MLIP: variants seen among roughly 807,000 people sequenced by gnomAD.
The protein encoded by MLIP is muscular LMNA interacting protein.
Under a neutral mutation model 84.8 loss-of-function variants are expected in MLIP, and 79 were observed. That is an observed-to-expected ratio of 0.93 (90% CI 0.78 to 1.12). MLIP has a LOEUF of 1.12. MLIP is among the 50% of genes most tolerant of loss of function. MLIP has a pLI of 0.00. For missense variants in MLIP, 1,257 were observed against 1,160.6 expected, an observed-to-expected ratio of 1.08 and a Z score of -1.21; for synonymous variants, 504 against 463.0, an observed-to-expected ratio of 1.09 and a Z score of -1.14.
chr6:54,027,374 TACACACACACACACACACACACACAC>T (rs70980886), intron 1 of MLIP, among the ~76,000 whole-genome samples: 4 of 148,516 alleles, frequency 2.7e-5, no homozygotes, highest in Non-Finnish European at 4.5e-5. Flanking sequence ...ATAAAAAAAA[TACACACACACACACACACACACACAC>T]ACACACACAC....
chr6:54,198,665 G>A (rs1239538175), intron 10 of MLIP, among the ~76,000 whole-genome samples: 1 of 151,882 alleles, frequency 6.6e-6, no homozygotes, highest in Non-Finnish European at 1.5e-5. Context: ...TCAACAGAAG[G>A]TCTACACAGG....
chr6:54,231,873 C>T (rs1419498742), intron 12 of MLIP, among the ~76,000 whole-genome samples: 1 of 152,056 alleles, frequency 6.6e-6, no homozygotes, highest in Non-Finnish European at 1.5e-5. Flanking sequence ...TCAATAAACC[C>T]TGTCTAAATG....
chr6:54,261,682 A>G, intron 13 of MLIP: 2 of 985,172 alleles, frequency 2.0e-6, no homozygotes. Flanking sequence ...CAGCCATCCC[A>G]TTCCTCTGAC....
intron 10 of MLIP, among the ~76,000 whole-genome samples, chr6:54,201,750 A>G (rs1778696112): frequency 1.3e-5 from 2 of 152,200 alleles, no homozygotes; most frequent in South Asian, 2.1e-4. Context: ...AAAGTCATCT[A>G]TGCTATCATG....
intron 12 of MLIP, among the ~76,000 whole-genome samples, chr6:54,241,215 A>G (rs1299249822): frequency 6.6e-6 from 1 of 152,074 alleles, no homozygotes; most frequent in Non-Finnish European, 1.5e-5. Context: ...CATGTTTATA[A>G]GTACTAGATT....
chr6:54,237,617 G>A (rs1781453309), intron 12 of MLIP, among the ~76,000 whole-genome samples: 2 of 151,380 alleles, frequency 1.3e-5, no homozygotes, highest in African/African-American at 4.9e-5. Flanking sequence ...AAGCCAAGGT[G>A]GGAGGATTGC....
Position 54,202,097 on chromosome 6 carries a change from T to G in MLIP, c.2590-8T>G. On this transcript the variant is annotated splice_polypyrimidine_tract_variant and splice_region_variant and intron_variant, in intron 10 of 13. Coordinates refer to ENST00000502396, the MANE Select transcript of MLIP (RefSeq NM_001281747.2). ...TGTTTTTAAAATATTTATTTTACATTCATGAAGACTAAGCCTGGAGTAATT... is the reference window on the plus strand; with the variant it reads ...TGTTTTTAAAATATTTATTTTACATGCATGAAGACTAAGCCTGGAGTAATT... The G allele has an allele frequency of 3.2e-6, 5 of 1,547,238 alleles. No homozygotes were observed. Among genetic ancestry groups the G allele is most frequent in the Non-Finnish European group, 4.4e-6 (5 of 1,147,286 alleles).
At chr6:54,197,283 T>A (rs901362697) in intron 10 of MLIP, among the ~76,000 whole-genome samples, 2 of 152,044 alleles carry the variant, frequency 1.3e-5, no homozygotes, top group Non-Finnish European at 2.9e-5. Flanking sequence ...ATTTAGGAGA[T>A]GAGTGACATG....
intron 4 of MLIP, among the ~76,000 whole-genome samples, chr6:54,145,308 G>T (rs1273390206): frequency 2.6e-5 from 4 of 152,078 alleles, no homozygotes; most frequent in Non-Finnish European, 5.9e-5. Context: ...TTTCAAATTA[G>T]AATAAAAAAT....
chr6:54,041,525 T>A (rs1332655166), intron 1 of MLIP, among the ~76,000 whole-genome samples: 1 of 152,048 alleles, frequency 6.6e-6, no homozygotes, highest in Non-Finnish European at 1.5e-5. Context: ...GGCCAAAATA[T>A]TTTGTATTTC....
intron 8 of MLIP, among the ~76,000 whole-genome samples, chr6:54,165,217 G>A (rs747048149): frequency 4.0e-5 from 6 of 151,778 alleles, no homozygotes; most frequent in Admixed American, 1.3e-4. Context: ...AGGGAGAAGC[G>A]CCATAGTATC....
In MLIP at chr6:54,205,988, A is replaced by G. The variant is rs560750926; in HGVS notation, c.2718+3755A>G. Among the ~76,000 whole-genome samples, 5 of 152,300 alleles carry G rather than the reference A, an allele frequency of 3.3e-5. No homozygotes were observed. In the East Asian group the frequency reaches 7.7e-4, roughly 23 times the overall value. On this transcript the variant is annotated intron_variant, in intron 11 of 13. Transcript: ENST00000502396. ...GTGTGTTTAAAGCATATTTTTATTG[A>G]TAACTAAAAGTAGAGCTGGAAAATA...
chr6:54,219,818 G>A (rs979375073), intron 11 of MLIP, among the ~76,000 whole-genome samples: 3 of 152,094 alleles, frequency 2.0e-5, no homozygotes, highest in African/African-American at 7.2e-5. Flanking sequence ...TCTAACTTGG[G>A]GTGATGGACA....
chr6:54,241,558 C>T (rs1005364479), intron 12 of MLIP, among the ~76,000 whole-genome samples: 1 of 151,952 alleles, frequency 6.6e-6, no homozygotes, highest in African/African-American at 2.4e-5. Flanking sequence ...TGAAAAAATA[C>T]CATAGCCACC....
At chr6:54,146,842 C>A (rs920270673) in intron 4 of MLIP, among the ~76,000 whole-genome samples, 1 of 152,108 alleles carries the variant, frequency 6.6e-6, no homozygotes, top group African/African-American at 2.4e-5. Flanking sequence ...AAATGAGAAG[C>A]AAGGGCATTT....
chr6:54,061,176 C>T (rs1235794247), intron 1 of MLIP, among the ~76,000 whole-genome samples: 2 of 152,122 alleles, frequency 1.3e-5, no homozygotes, highest in Non-Finnish European at 2.9e-5. Context: ...ATTTTCCTTA[C>T]TTGCTTTTGC....
intron 4 of MLIP, among the ~76,000 whole-genome samples, chr6:54,143,325 C>T (rs1772490212): frequency 6.6e-6 from 1 of 150,472 alleles, no homozygotes; most frequent in South Asian, 2.1e-4. Flanking sequence ...TCAATTGATT[C>T]TCCTGCCTCA....
At chr6:54,120,058 A>G (rs1770299753) in intron 1 of MLIP, among the ~76,000 whole-genome samples, 1 of 152,154 alleles carries the variant, frequency 6.6e-6, no homozygotes, top group African/African-American at 2.4e-5. Flanking sequence ...AAAACAAACA[A>G]AAGCACCCTG....
chr6:54,165,951 G>A lies in MLIP; in HGVS notation c.2500-3577G>A, dbSNP rs537292916. ...TCCACCATGTAAAGACATGCAAGAT[G>A]GCACCATCTATGAACCAGAAGTGGT... On this transcript the variant is annotated intron_variant, in intron 8 of 13. Transcript: ENST00000502396. Among the ~76,000 whole-genome samples, 414 of 151,954 alleles carry A rather than the reference G, an allele frequency of 2.7e-3. 6 individuals carry two copies. The highest frequency in any genetic ancestry group is 9.1e-3 in the African/African-American group (379 of 41,504).
Sources: allele counts gnomAD v4.1 joint callset (sites outside exome capture counted in the v4.1 genomes callset), GRCh38; gene constraint gnomAD v4.1.1; transcripts MANE v1.5; gene names NCBI Gene and HGNC (gene_info 2026-07-23, HGNC 2026-07-21).